STEAP3: variants seen among roughly 807,000 people sequenced by gnomAD.
STEAP3 encodes the protein metalloreductase STEAP3.
Under a neutral mutation model 34.9 loss-of-function variants are expected in STEAP3, and 35 were observed. The observed-to-expected ratio is 1.00, with a 90% CI of 0.76 to 1.33. STEAP3 has a LOEUF of 1.33. Among genes scored for constraint, STEAP3 ranks in the 40% most tolerant of loss-of-function variants. The pLI, the probability that STEAP3 is intolerant of heterozygous loss-of-function variation, is 0.00. For missense variants in STEAP3, 652 were observed against 667.6 expected (o/e 0.98, Z 0.26); for synonymous variants, 281 against 301.6 (o/e 0.93, Z 0.71).
At chr2:119,236,239 T>G (rs1677091113) in intron 2 of STEAP3, among the ~76,000 whole-genome samples, 1 of 152,194 alleles carries the variant, frequency 6.6e-6, no homozygotes, top group Non-Finnish European at 1.5e-5. Context: ...AATGAGTAAA[T>G]TTAACAGGCT....
intron 2 of STEAP3, among the ~76,000 whole-genome samples, chr2:119,238,462 G>A (rs544517629): frequency 6.6e-6 from 1 of 152,230 alleles, no homozygotes; most frequent in Non-Finnish European, 1.5e-5. Flanking sequence ...CCAGTCTTTT[G>A]CCCACTTTAT....
At chr2:119,238,779 G>A (rs1047799140) in intron 2 of STEAP3, among the ~76,000 whole-genome samples, 1 of 152,186 alleles carries the variant, frequency 6.6e-6, no homozygotes, top group African/African-American at 2.4e-5. Context: ...TCCCTGGGGT[G>A]CTGGATGAGG....
At chr2:119,251,427 T>A (rs1224535216) in intron 4 of STEAP3, among the ~76,000 whole-genome samples, 1 of 152,196 alleles carries the variant, frequency 6.6e-6, no homozygotes, top group Non-Finnish European at 1.5e-5. Flanking sequence ...TAACCGATAT[T>A]TGTACAGGGC....
Position 119,245,642 on chromosome 2 carries a change from G to A in STEAP3, c.176G>A (p.Gly59Asp), listed in dbSNP as rs780115047. 1.2e-6 allele frequency: 2 copies of A among 1,611,654 alleles called. No homozygotes were observed. Among genetic ancestry groups the A allele is most frequent in the South Asian group, 2.2e-5 (2 of 91,072 alleles). Residue 59 changes from glycine (G) to aspartate (D), a missense_variant, in exon 3 of 6, where the codon GGC becomes GAC. Coordinates refer to ENST00000393110, the MANE Select transcript of STEAP3 (RefSeq NM_182915.3). ...CGCTCCCTGGCCACACGCCTGGTGGGCTCTGGCTTCAAAGTGGTGGTGGGG... is the reference window on the plus strand; with the variant it reads ...CGCTCCCTGGCCACACGCCTGGTGGACTCTGGCTTCAAAGTGGTGGTGGGG... ...FARSLATRLV[G>D]SGFKVVVGSR...
chr2:119,258,663 A>C (rs1252661731), intron 5 of STEAP3, among the ~76,000 whole-genome samples: 1 of 124,062 alleles, frequency 8.1e-6, no homozygotes, highest in Non-Finnish European at 1.6e-5. Flanking sequence ...GCTGGAGTGC[A>C]GTGGCACAAT....
In STEAP3 at chr2:119,233,277, A is replaced by G. The variant is rs150033288; in HGVS notation, c.22+2243A>G. On this transcript the variant is annotated intron_variant, in intron 2 of 5. Transcript: ENST00000393110. ...CAGGCTGCACCTCAATGCACCTTAG[A>G]TCTGGTGTTTGATTTTCACTTTGAC... Among the ~76,000 whole-genome samples, 45 of 152,316 alleles carry G rather than the reference A, an allele frequency of 3.0e-4. 1 individual carries two copies. In the East Asian group the frequency reaches 8.5e-3, roughly 29 times the overall value.
At chr2:119,236,075 C>A (rs1677086949) in intron 2 of STEAP3, among the ~76,000 whole-genome samples, 1 of 152,212 alleles carries the variant, frequency 6.6e-6, no homozygotes, top group Non-Finnish European at 1.5e-5. Flanking sequence ...GGGCATGTAC[C>A]TCCAGGCCAT....
chr2:119,264,287 A>T lies in STEAP3; in HGVS notation c.*949A>T, dbSNP rs997917782. Reference sequence around the variant, plus strand: ...AGCAAGAGAAAACACTCTAGGGAGTAAAGCTCCCCGGGCGTCAGAGTTGAG... The same window carrying T: ...AGCAAGAGAAAACACTCTAGGGAGTTAAGCTCCCCGGGCGTCAGAGTTGAG... On this transcript the variant is annotated 3_prime_UTR_variant, in exon 6 of 6. Transcript: ENST00000393110. 2.6e-5 allele frequency: 4 copies of T among 152,660 alleles called. No homozygotes were observed. In the East Asian group the frequency reaches 7.7e-4, roughly 29 times the overall value. 9.5% of individuals were successfully genotyped at this position (152,660 alleles called of 1,614,324 possible). A position where few individuals can be genotyped will look rare whatever the true frequency, so the allele number is the denominator to read the frequency against.
intron 5 of STEAP3, among the ~76,000 whole-genome samples, chr2:119,262,120 GC>G (rs1305752558): frequency 2.0e-5 from 3 of 152,116 alleles, no homozygotes; most frequent in Non-Finnish European, 4.4e-5. Context: ...CAGACCACAG[GC>G]CCCGTGAGTC....
Position 119,230,858 on chromosome 2 carries a change from T to C in STEAP3, c.-155T>C. The C allele has an allele frequency of 1.1e-6, 1 of 944,532 alleles. No homozygotes were observed. Among genetic ancestry groups the C allele is most frequent in the South Asian group, 1.4e-5 (1 of 70,164 alleles). The allele number at this position is 944,532 out of a possible 1,614,324, so 58.5% of individuals were successfully genotyped here. A position where few individuals can be genotyped will look rare whatever the true frequency, so the allele number is the denominator to read the frequency against. On this transcript the variant is annotated 5_prime_UTR_variant, in exon 2 of 6. Coordinates refer to ENST00000393110, the MANE Select transcript of STEAP3 (RefSeq NM_182915.3). ...GTGCAGGCTGCGGGAGGCAGCTGGC[T>C]GTGCAAGACCCTGGCAGGGCCCTCG...
At chr2:119,247,227 A>C (rs1677456271) in intron 3 of STEAP3, among the ~76,000 whole-genome samples, 1 of 152,106 alleles carries the variant, frequency 6.6e-6, no homozygotes, top group South Asian at 2.1e-4. Context: ...GACATCATCA[A>C]GGGGGGTGAT....
Position 119,230,805 on chromosome 2 carries a change from G to C in STEAP3, c.-208G>C. Reference sequence around the variant, plus strand: ...CAACCAAGCATCAGTCACCACTCCCGGTCCAGCCCCTGTGGCCAAGAGCTG... The same window carrying C: ...CAACCAAGCATCAGTCACCACTCCCCGTCCAGCCCCTGTGGCCAAGAGCTG... On this transcript the variant is annotated 5_prime_UTR_variant, in exon 2 of 6. Transcript: ENST00000393110. The C allele has an allele frequency of 3.1e-6, 2 of 644,476 alleles. No homozygotes were observed. Among genetic ancestry groups the C allele is most frequent in the Non-Finnish European group, 5.6e-6 (2 of 358,126 alleles). 39.9% of individuals were successfully genotyped at this position (644,476 alleles called of 1,614,324 possible).
intron 5 of STEAP3, among the ~76,000 whole-genome samples, chr2:119,259,315 C>T (rs1677875288): frequency 6.6e-6 from 1 of 152,238 alleles, no homozygotes; most frequent in South Asian, 2.1e-4. Context: ...TTAATCGCCT[C>T]ATGACAATCC....
chr2:119,263,072 G>A lies in STEAP3; in HGVS notation c.1231G>A (p.Val411Met). 1.2e-6 allele frequency: 2 copies of A among 1,606,836 alleles called. No homozygotes were observed. The highest frequency in any genetic ancestry group is 1.1e-5 in the South Asian group (1 of 91,016). ...FSFVQSSLGF[V>M]ALVLSTLHTL... is the part of the protein sequence containing the mutation. ...CCCTCCACAGTCCTCACTGGGCTTT[G>A]TGGCCCTCGTGCTGAGCACACTGCA... Residue 411 changes from valine to methionine, a missense_variant, in exon 6 of 6, where the codon GTG (valine) becomes ATG (methionine). Physicochemically the swap from Val to Met is conservative, Grantham distance 21. Transcript: ENST00000393110.
chr2:119,260,305 C>T (rs1677901472), intron 5 of STEAP3, among the ~76,000 whole-genome samples: 1 of 130,484 alleles, frequency 7.7e-6, no homozygotes, highest in Non-Finnish European at 1.7e-5. Context: ...AAGACTTACT[C>T]TTTTTTTTTT....
chr2:119,243,835 C>T (rs1345071174), intron 2 of STEAP3, among the ~76,000 whole-genome samples: 1 of 152,184 alleles, frequency 6.6e-6, no homozygotes, highest in Non-Finnish European at 1.5e-5. Context: ...CCTGCCCCAT[C>T]TTTATGTCAG....
chr2:119,257,816 G>T, intron 5 of STEAP3: 4 of 1,087,424 alleles, frequency 3.7e-6, no homozygotes, highest in Non-Finnish European at 4.7e-6. Flanking sequence ...TTCTTGAGGG[G>T]CCTTGGCTGA....
chr2:119,232,821 A>G (rs1676987701), intron 2 of STEAP3, among the ~76,000 whole-genome samples: 1 of 152,018 alleles, frequency 6.6e-6, no homozygotes, highest in Non-Finnish European at 1.5e-5. Flanking sequence ...TGGGACCTCT[A>G]AGGGAAAGTA....
At chr2:119,236,328 A>G (rs116024699) in intron 2 of STEAP3, among the ~76,000 whole-genome samples, 18 of 152,214 alleles carry the variant, frequency 1.2e-4, no homozygotes, top group Non-Finnish European at 1.8e-4. Flanking sequence ...CATAGTGCAG[A>G]TGAGGAAATG....
Sources: gnomAD v4.1 joint callset for allele counts (sites outside exome capture counted in the v4.1 genomes callset) on GRCh38, gnomAD v4.1.1 for gene constraint, MANE v1.5 for transcripts, NCBI Gene and HGNC (gene_info 2026-07-23, HGNC 2026-07-21) for gene names.